The following SLC45A4 variants were observed in gnomAD, a reference collection of about 807,000 sequenced individuals.
SLC45A4 encodes the protein polyamine-transporter SLC45A4.
Under a neutral mutation model 63.7 loss-of-function variants are expected in SLC45A4, and 32 were observed. That is an observed-to-expected ratio of 0.50 (90% CI 0.38 to 0.67). SLC45A4 has a LOEUF of 0.67. SLC45A4 is among the 30% of genes least tolerant of loss of function. SLC45A4 has a pLI of 0.00. For synonymous variants in SLC45A4, 535 were observed against 510.0 expected (o/e 1.05, Z -0.66); for missense variants, 1,027 against 1,157.7 (o/e 0.89, Z 1.64).
At chr8:141,306,817 C>T (rs1488469332) in intron 1 of SLC45A4, among the ~76,000 whole-genome samples, 1 of 152,192 alleles carries the variant, frequency 6.6e-6, no homozygotes, top group East Asian at 1.9e-4. Flanking sequence ...AAATGGGCTT[C>T]GATTCAGAAT....
At chr8:141,261,610 C>A (rs1393226046) in intron 1 of SLC45A4, among the ~76,000 whole-genome samples, 3 of 151,376 alleles carry the variant, frequency 2.0e-5, no homozygotes, top group Non-Finnish European at 4.4e-5. Context: ...TCATGAGTGA[C>A]CCCCCATTCA....
intron 1 of SLC45A4, among the ~76,000 whole-genome samples, chr8:141,267,429 G>A (rs976895389): frequency 1.3e-5 from 2 of 152,238 alleles, no homozygotes; most frequent in South Asian, 2.1e-4. Flanking sequence ...AGCCCTGTGC[G>A]GGCAAGAATG....
intron 2 of SLC45A4, among the ~76,000 whole-genome samples, chr8:141,243,748 C>CG (rs1416742900): frequency 6.6e-6 from 1 of 152,088 alleles, no homozygotes; most frequent in Non-Finnish European, 1.5e-5. Flanking sequence ...GCAAGACCCC[C>CG]GCTCCTGATC....
At chr8:141,239,387 C>T (rs1275476513) in intron 2 of SLC45A4, among the ~76,000 whole-genome samples, 1 of 152,156 alleles carries the variant, frequency 6.6e-6, no homozygotes, top group Non-Finnish European at 1.5e-5. Flanking sequence ...ATCGAGTGTA[C>T]CTGAACTGCA....
chr8:141,258,346 TGGCAACGCTACA>T (rs1335804054), intron 1 of SLC45A4, among the ~76,000 whole-genome samples: 1 of 152,170 alleles, frequency 6.6e-6, no homozygotes, highest in African/African-American at 2.4e-5. Context: ...GGAGTGTAGG[TGGCAACGCTACA>T]GGCCATTCCT....
intron 2 of SLC45A4, among the ~76,000 whole-genome samples, chr8:141,243,850 A>G (rs991723511): frequency 2.6e-5 from 4 of 152,134 alleles, no homozygotes; most frequent in African/African-American, 4.8e-5. Context: ...TCTCTTCTTA[A>G]TAATTTTCTT....
chr8:141,217,889 C>T, intron 5 of SLC45A4, 122 bp downstream of exon 5: 1 of 1,225,964 alleles, frequency 8.2e-7, no homozygotes, highest in Non-Finnish European at 1.1e-6. Flanking sequence ...ACGGGAGGCA[C>T]TGTGTGGCCT....
chr8:141,211,545 CT>C lies in SLC45A4; in HGVS notation c.*26del. 1 of 1,613,170 alleles carries C rather than the reference CT, an allele frequency of 6.2e-7. No homozygotes were observed. Among genetic ancestry groups the C allele is most frequent in the Non-Finnish European group, 8.5e-7 (1 of 1,179,882 alleles). ...CCCTGGGCACAATGTGTCCAACTCG[CT>C]GAGGAAAAGAAGATACGTCATTCTT... On this transcript the variant is annotated 3_prime_UTR_variant, in exon 9 of 9. Transcript: ENST00000517878.
intron 2 of SLC45A4, among the ~76,000 whole-genome samples, chr8:141,223,731 T>C (rs1826801936): frequency 6.6e-6 from 1 of 152,184 alleles, no homozygotes; most frequent in Admixed American, 6.5e-5. Flanking sequence ...GCACGCCAGG[T>C]CCTGCGTTTT....
intron 1 of SLC45A4, among the ~76,000 whole-genome samples, chr8:141,304,691 C>T (rs893423516): frequency 2.0e-5 from 3 of 152,064 alleles, no homozygotes; most frequent in African/African-American, 7.2e-5. Context: ...TGCTATTTCC[C>T]GCAATCTAAC....
intron 2 of SLC45A4, among the ~76,000 whole-genome samples, chr8:141,247,132 G>A (rs758730834): frequency 6.6e-6 from 1 of 152,068 alleles, no homozygotes; most frequent in Non-Finnish European, 1.5e-5. Flanking sequence ...CCTTTAACCA[G>A]GCTGATCAAA....
chr8:141,217,846 G>A (rs1826261645), intron 5 of SLC45A4, among the ~76,000 whole-genome samples, 165 bp downstream of exon 5: 1 of 152,302 alleles, frequency 6.6e-6, no homozygotes, highest in South Asian at 2.1e-4. Context: ...AGGCGCGCGC[G>A]GGCCAGCTGC....
chr8:141,237,490 C>T (rs1242892016), intron 2 of SLC45A4, among the ~76,000 whole-genome samples: 2 of 152,212 alleles, frequency 1.3e-5, no homozygotes, highest in Non-Finnish European at 2.9e-5. Flanking sequence ...CTGCATTGCG[C>T]TGGGTGTCCC....
chr8:141,251,917 C>G (rs947392225), intron 2 of SLC45A4, among the ~76,000 whole-genome samples: 4 of 149,960 alleles, frequency 2.7e-5, no homozygotes, highest in African/African-American at 7.4e-5. Context: ...CTGCCCCACA[C>G]ACAATCAAAG....
chr8:141,247,306 A>C (rs1012329013), intron 2 of SLC45A4, among the ~76,000 whole-genome samples: 4 of 95,748 alleles, frequency 4.2e-5, no homozygotes, highest in Admixed American at 1.8e-4. Flanking sequence ...AAATTAAAGC[A>C]GTGCTATTTA....
chr8:141,241,929 G>A (rs1313409335), intron 2 of SLC45A4, among the ~76,000 whole-genome samples: 1 of 152,236 alleles, frequency 6.6e-6, no homozygotes, highest in Non-Finnish European at 1.5e-5. Flanking sequence ...CAGCTGTGAA[G>A]GCATGGTGCA....
In SLC45A4 at chr8:141,248,565, A is replaced by T. The variant is rs931103291; in HGVS notation, c.241+5424T>A. Among the ~76,000 whole-genome samples, 95 of 150,698 alleles carry T rather than the reference A, an allele frequency of 6.3e-4. 1 individual carries two copies. In the Middle Eastern group the frequency reaches 0.01, roughly 16 times the overall value. On this transcript the variant is annotated intron_variant, in intron 2 of 8. Coordinates refer to ENST00000517878, the MANE Select transcript of SLC45A4 (RefSeq NM_001286646.2). ...AGCCTGGGAAACAGAGTCCCTGTTT[A>T]AAAAAAAAAATAATAATAAATAAAT... is the stretch of plus-strand genomic sequence containing the variant.
At chr8:141,248,849 T>G (rs1293871023) in intron 2 of SLC45A4, among the ~76,000 whole-genome samples, 1 of 151,488 alleles carries the variant, frequency 6.6e-6, no homozygotes, top group Non-Finnish European at 1.5e-5. Flanking sequence ...AAACCCCATC[T>G]CTACAAAAAA....
intron 1 of SLC45A4, among the ~76,000 whole-genome samples, chr8:141,268,905 C>A (rs1278754518): frequency 6.6e-6 from 1 of 152,184 alleles, no homozygotes; most frequent in Non-Finnish European, 1.5e-5. Flanking sequence ...AGCCTCTAGT[C>A]CCAGACACAT....
Sources: allele counts gnomAD v4.1 joint callset (sites outside exome capture counted in the v4.1 genomes callset), GRCh38; gene constraint gnomAD v4.1.1; transcripts MANE v1.5; gene names NCBI Gene and HGNC (gene_info 2026-07-23, HGNC 2026-07-21).